Variants in WARS1 observed in about 807,000 individuals in gnomAD.
WARS1 encodes tryptophanyl-tRNA synthetase 1, also known as tryptophan--tRNA ligase, cytoplasmic.
In WARS1, 17 loss-of-function variants were observed where a neutral mutation model predicts 47.8. The observed-to-expected ratio is 0.36, with a 90% CI of 0.24 to 0.53. WARS1 has a LOEUF of 0.53. Among genes scored for constraint, WARS1 ranks in the 20% least tolerant of loss-of-function variants. The probability of loss-of-function intolerance (pLI) is 0.91; values close to 1 mark genes in which losing one functional copy is unlikely to be tolerated. For missense variants in WARS1, 434 were observed against 608.0 expected (o/e 0.71, Z 3.01); for synonymous variants, 208 against 228.1 (o/e 0.91, Z 0.79).
At chr14:100,341,389 A>G (rs1458852014) in intron 9 of WARS1, among the ~76,000 whole-genome samples, 1 of 152,162 alleles carries the variant, frequency 6.6e-6, no homozygotes, top group East Asian at 1.9e-4. Flanking sequence ...GAGTTGGTGG[A>G]GGGCATGTCT....
chr14:100,357,720 CAA>C (rs1895416238), intron 4 of WARS1, among the ~76,000 whole-genome samples: 1 of 152,160 alleles, frequency 6.6e-6, no homozygotes, highest in African/African-American at 2.4e-5. Flanking sequence ...CTCGGCCTCC[CAA>C]AGTGTTGGGA....
chr14:100,348,193 A>G (rs1418672198), intron 6 of WARS1, among the ~76,000 whole-genome samples: 3 of 152,188 alleles, frequency 2.0e-5, no homozygotes, highest in Non-Finnish European at 4.4e-5. Context: ...TGCTTTTCTC[A>G]CCACATCTTA....
At position 100,334,700 on chromosome 14, in the gene WARS1, A is replaced by G; in HGVS notation, c.*175T>C. On this transcript the variant is annotated 3_prime_UTR_variant, in exon 11 of 11. Coordinates refer to ENST00000392882, the MANE Select transcript of WARS1 (RefSeq NM_004184.4). ...ACAATGCTTTGCCCATAAGAGATAG[A>G]AATAATGGAACTCACAGGAAGAAAC... 3.0e-6 allele frequency: 2 copies of G among 666,008 alleles called. No homozygotes were observed. 41.3% of individuals were successfully genotyped at this position (666,008 alleles called of 1,614,324 possible).
intron 4 of WARS1, among the ~76,000 whole-genome samples, chr14:100,356,396 T>TGGGGG (rs1555381563): frequency 1.0e-5 from 1 of 98,820 alleles, no homozygotes; most frequent in African/African-American, 3.7e-5. Flanking sequence ...TGTGTGTGTG[T>TGGGGG]GTGGGGGGGG....
At chr14:100,367,085 T>C (rs1896044890) in intron 2 of WARS1, among the ~76,000 whole-genome samples, 1 of 151,904 alleles carries the variant, frequency 6.6e-6, no homozygotes, top group Non-Finnish European at 1.5e-5. Flanking sequence ...GGTGGTACTG[T>C]ACCTATGAGT....
intron 9 of WARS1, among the ~76,000 whole-genome samples, chr14:100,337,788 T>A (rs1050802286): frequency 1.3e-5 from 2 of 150,990 alleles, no homozygotes; most frequent in Non-Finnish European, 1.5e-5. Context: ...GACTCAGGAG[T>A]TTGAGGTTAT....
At chr14:100,348,462 C>A (rs1016907360) in intron 6 of WARS1, among the ~76,000 whole-genome samples, 1 of 152,098 alleles carries the variant, frequency 6.6e-6, no homozygotes, top group East Asian at 1.9e-4. Flanking sequence ...AGAGGGCGGG[C>A]GCAGTACTGT....
At position 100,343,319 on chromosome 14, in the gene WARS1, C is replaced by T. The variant is rs1566840395; in HGVS notation, c.895G>A (p.Asp299Asn). ...FSNSFPQIFRDRTDIQCLIPC... is the reference protein window; with the variant it reads ...FSNSFPQIFRNRTDIQCLIPC... ...ATAAGGCACTGGATATCCGTCCTGT[C>T]TCGGAAGATCTGTGGGAATGAGTTG... Residue 299 changes from aspartate to asparagine, a missense_variant, in exon 8 of 11, where the codon GAC (aspartate) becomes AAC (asparagine). Coordinates refer to ENST00000392882, the MANE Select transcript of WARS1 (RefSeq NM_004184.4). The T allele has an allele frequency of 6.2e-7, 1 of 1,613,370 alleles. No individual in the cohort carries two copies. Among genetic ancestry groups the T allele is most frequent in the Non-Finnish European group, 8.5e-7 (1 of 1,179,488 alleles).
At chr14:100,354,226 C>T in intron 5 of WARS1, 1 of 562,058 alleles carries the variant, frequency 1.8e-6, no homozygotes, top group Non-Finnish European at 3.0e-6. Context: ...AGAAGAGGAG[C>T]AGGCCTGGCT....
intron 9 of WARS1, among the ~76,000 whole-genome samples, chr14:100,337,746 G>A (rs1185871618): frequency 1.3e-5 from 2 of 151,102 alleles, no homozygotes; most frequent in East Asian, 1.9e-4. Flanking sequence ...TAGTCCTAGC[G>A]ACTCGGGAGG....
intron 9 of WARS1, among the ~76,000 whole-genome samples, chr14:100,340,793 G>C (rs1036645066): frequency 2.6e-5 from 4 of 152,200 alleles, no homozygotes; most frequent in Non-Finnish European, 5.9e-5. Context: ...TGCAGGCCCA[G>C]TGACCGTCTG....
At position 100,350,399 on chromosome 14, in the gene WARS1, G is replaced by GA. The variant is rs56393656; in HGVS notation, c.725+3287dup. On this transcript the variant is annotated intron_variant, in intron 6 of 10. Transcript: ENST00000392882. ...AGAGCAAGACTCCATCTCAAAAAAA[G>GA]AAAAAAAAAAAAAAAAAGGAAGTTC... is the stretch of plus-strand genomic sequence containing the variant. Among the ~76,000 whole-genome samples, 21 of 112,152 alleles carry GA rather than the reference G, an allele frequency of 1.9e-4. 1 individual carries two copies. Among genetic ancestry groups the GA allele is most frequent in the Admixed American group, 1.3e-3 (12 of 8,968 alleles). The allele number at this position is 112,152 out of a possible 152,430, so 73.6% of individuals were successfully genotyped here.
intron 7 of WARS1, among the ~76,000 whole-genome samples, chr14:100,345,987 C>T (rs888214897): frequency 7.2e-5 from 11 of 152,330 alleles, no homozygotes; most frequent in East Asian, 1.9e-4. Context: ...CGGAGAGCCC[C>T]GGCAGCGCAT....
intron 9 of WARS1, 194 bp downstream of exon 9, chr14:100,342,204 C>T (rs1244891980): frequency 4.2e-6 from 3 of 713,922 alleles, no homozygotes; most frequent in Non-Finnish European, 7.3e-6. Flanking sequence ...AAAACAAATT[C>T]ACCTGATTCA....
chr14:100,348,004 G>A (rs1408796312), intron 6 of WARS1, among the ~76,000 whole-genome samples: 1 of 152,192 alleles, frequency 6.6e-6, no homozygotes, highest in African/African-American at 2.4e-5. Context: ...TGCACCATGT[G>A]GCAGGAGCTG....
chr14:100,347,420 C>T (rs1237443465), intron 6 of WARS1, among the ~76,000 whole-genome samples: 1 of 152,194 alleles, frequency 6.6e-6, no homozygotes, highest in African/African-American at 2.4e-5. Context: ...GGCTAGGCCA[C>T]AGTGGCTGAT....
intron 6 of WARS1, among the ~76,000 whole-genome samples, chr14:100,353,370 C>A (rs1249077412): frequency 6.6e-6 from 1 of 152,146 alleles, no homozygotes; most frequent in African/African-American, 2.4e-5. Context: ...CCTGCTTCAG[C>A]CACCTGAGTA....
chr14:100,368,287 AAGTT>A (rs1896130799), intron 2 of WARS1: 3 of 350,682 alleles, frequency 8.6e-6, no homozygotes, highest in Non-Finnish European at 1.7e-5. Flanking sequence ...CTGGGCGAGA[AAGTT>A]AGAGTACTCA....
chr14:100,343,868 C>T (rs986597253), intron 7 of WARS1, among the ~76,000 whole-genome samples: 6 of 152,086 alleles, frequency 3.9e-5, no homozygotes, highest in Non-Finnish European at 7.4e-5. Flanking sequence ...CTCTTGACCT[C>T]GTGATCTGCC....
Sources: gnomAD v4.1 joint callset for allele counts (sites outside exome capture counted in the v4.1 genomes callset) on GRCh38, gnomAD v4.1.1 for gene constraint, MANE v1.5 for transcripts, NCBI Gene and HGNC (gene_info 2026-07-23, HGNC 2026-07-21) for gene names.